Variants in DIDO1 observed in about 807,000 individuals in gnomAD.
DIDO1 encodes death inducer-obliterator 1.
A neutral mutation model predicts 99.4 loss-of-function variants in DIDO1; 16 were observed. The ratio of observed to expected loss-of-function variants is 0.16; its 90% CI spans 0.11 to 0.24. DIDO1 has a LOEUF of 0.24. Ranked by LOEUF, DIDO1 falls within the 10% of genes least tolerant of loss-of-function variation. The pLI is 1.00. For synonymous variants in DIDO1, 1,366 were observed against 1,239.1 expected (o/e 1.10, Z -2.15); for missense variants, 2,996 against 3,014.0 (o/e 0.99, Z 0.14).
At chr20:62,904,945 A>C (rs2064768634) in intron 6 of DIDO1, 1 of 964,714 alleles carries the variant, frequency 1.0e-6, no homozygotes, top group Admixed American at 6.1e-5. Flanking sequence ...GAGACTATTT[A>C]ACCTTTCGGT....
intron 14 of DIDO1, among the ~76,000 whole-genome samples, chr20:62,891,360 C>T (rs1006019893): frequency 6.6e-6 from 1 of 152,200 alleles, no homozygotes; most frequent in Admixed American, 6.5e-5. Flanking sequence ...TTCCTACATG[C>T]ACGACGGCCC....
At chr20:62,895,840 T>C (rs926884493) in intron 8 of DIDO1, among the ~76,000 whole-genome samples, 1 of 152,116 alleles carries the variant, frequency 6.6e-6, no homozygotes, top group Non-Finnish European at 1.5e-5. Context: ...TGATGAGGAA[T>C]ATGAGAAAAT....
intron 4 of DIDO1, among the ~76,000 whole-genome samples, chr20:62,908,220 A>T (rs1421710518): frequency 6.6e-6 from 1 of 152,038 alleles, no homozygotes; most frequent in Non-Finnish European, 1.5e-5. Context: ...GCCTCAAGTG[A>T]TCCTCCCATC....
chr20:62,887,832 C>G, intron 15 of DIDO1: 1 of 985,522 alleles, frequency 1.0e-6, no homozygotes. Context: ...GGGTGAACAT[C>G]TAGGTGGAGA....
At chr20:62,922,591 T>C (rs757377166) in intron 1 of DIDO1, among the ~76,000 whole-genome samples, 1 of 152,190 alleles carries the variant, frequency 6.6e-6, no homozygotes, top group Non-Finnish European at 1.5e-5. Context: ...AGGCCTGCAC[T>C]TTCCTGTCTG....
intron 15 of DIDO1, 79 bp from the exon 16 acceptor site, chr20:62,882,493 T>G (rs1600905081): frequency 1.5e-6 from 2 of 1,349,856 alleles, no homozygotes; most frequent in Middle Eastern, 2.3e-4. Flanking sequence ...CATTAAGGGC[T>G]TTCACGGGGA....
At chr20:62,928,779 AG>A (rs1258650551), upstream of DIDO1, 1 of 152,220 alleles carries the variant, frequency 6.6e-6, no homozygotes, top group African/African-American at 2.4e-5. Context: ...GAAAGCAGGA[AG>A]GGGGCCAAGA....
Position 62,880,924 on chromosome 20 carries a change from C to T in DIDO1, c.5032G>A (p.Gly1678Ser), listed in dbSNP as rs2064190567. The change falls in exon 16 of 16, where the codon GGT becomes AGT. Residue 1678 changes from glycine to serine, a missense_variant. By Grantham distance (56) the Gly-to-Ser change is moderately conservative. Around this residue, in one of 5 missense-constraint regions of DIDO1, gnomAD observed 1,562 missense variants for 1,412.6 expected, o/e 1.11. Coordinates refer to ENST00000395343, the MANE Select transcript of DIDO1 (RefSeq NM_001193369.2). ...GGGCAGGTGAAAGGGTCCCTCTCAC[C>T]GTCGTGCTGCAGCGGGAAGCCGGGC... is the stretch of plus-strand genomic sequence containing the variant. ...LQPGFPLQHD[G>S]ERDPFTCPGF... 1.2e-6 allele frequency: 2 copies of T among 1,609,916 alleles called. No homozygotes were observed. The highest frequency in any genetic ancestry group is 1.7e-6 in the Non-Finnish European group (2 of 1,179,854).
At position 62,891,126 on chromosome 20, in the gene DIDO1, G is replaced by T. The variant is rs772046999; in HGVS notation, c.3375C>A (p.Ala1125=). 5 of 1,614,132 alleles carry T rather than the reference G, an allele frequency of 3.1e-6. No homozygotes were observed. The South Asian group carries it at 5.5e-5, about 18-fold the overall frequency. The part of the protein sequence containing the change: ...KELCLIRFHP[A]TEEEEVAYIS... ...TATAGGCGACCTCCTCTTCCTCTGT[G>T]GCGGGGTGGAAGCGGATCAGACAGA... The change falls in exon 15 of 16, where the codon GCC becomes GCA. Residue 1125 remains alanine (A), a synonymous_variant. Transcript: ENST00000395343.
In DIDO1 at chr20:62,905,753, C is replaced by T. The variant is rs1341972616; in HGVS notation, c.1588+134G>A. ...GCATCCTGGACATGGGCTCTGCTTC[C>T]CGCTGATGGTGCAGCCGGTGTCTGT... On this transcript the variant is annotated intron_variant, in intron 6 of 15. Transcript: ENST00000395343. 5 of 1,607,684 alleles carry T rather than the reference C, an allele frequency of 3.1e-6. No individual in the cohort carries two copies. The South Asian group carries it at 5.5e-5, about 18-fold the overall frequency.
intron 14 of DIDO1, 50 bp from the exon 15 acceptor site, chr20:62,891,205 T>C: frequency 6.2e-7 from 1 of 1,609,648 alleles, no homozygotes; most frequent in Non-Finnish European, 8.5e-7. Flanking sequence ...GGCTCAAGCA[T>C]CACACGCCCA....
Position 62,896,184 on chromosome 20 carries a change from C to T in DIDO1, c.2214+49G>A. 6.4e-7 allele frequency: 1 copy of T among 1,560,616 alleles called. No individual in the cohort carries two copies. The highest frequency in any genetic ancestry group is 8.7e-7 in the Non-Finnish European group (1 of 1,149,232). On this transcript the variant is annotated intron_variant, in intron 8 of 15. Coordinates refer to ENST00000395343, the MANE Select transcript of DIDO1 (RefSeq NM_001193369.2). This position sits in a 1 kb window ranked among gnomAD's most constrained non-coding sequence, Gnocchi z 4.4. ...AAATATTGGTTGATCCCTTTAGCAC[C>T]CAGCGAACAGAACAGGAATACTCCA...
chr20:62,921,158 A>C (rs904247642), intron 1 of DIDO1, among the ~76,000 whole-genome samples: 1 of 152,200 alleles, frequency 6.6e-6, no homozygotes, highest in African/African-American at 2.4e-5. Context: ...GGCCTCCCAA[A>C]GTGCTAGGAT....
At chr20:62,902,279 A>T (rs926898537) in intron 6 of DIDO1, among the ~76,000 whole-genome samples, 2 of 152,228 alleles carry the variant, frequency 1.3e-5, no homozygotes, top group African/African-American at 4.8e-5. Context: ...TAAAAATAAC[A>T]AAAGAATGTC....
chr20:62,908,856 C>G (rs1004043725), intron 4 of DIDO1, among the ~76,000 whole-genome samples: 4 of 152,180 alleles, frequency 2.6e-5, no homozygotes, highest in African/African-American at 9.6e-5. Context: ...GAAGCCTCAA[C>G]TGCACAAAAA....
chr20:62,880,171 G>C lies in DIDO1; in HGVS notation c.5785C>G (p.Pro1929Ala). The change falls in exon 16 of 16, where the codon CCC becomes GCC. Residue 1929 changes from proline to alanine, a missense_variant. Physicochemically the swap from Pro to Ala is conservative, Grantham distance 27 (BLOSUM62 -1). This residue lies in a region of DIDO1 where 1,562 missense variants were observed against 1,412.6 expected (regional missense o/e 1.11). Coordinates refer to ENST00000395343, the MANE Select transcript of DIDO1 (RefSeq NM_001193369.2). ...GCAGTTTCAAACTGACTAGGATGGGGCCCTCTTGGGCCCACGAAATGACCA... is the reference window on the plus strand; with the variant it reads ...GCAGTTTCAAACTGACTAGGATGGGCCCCTCTTGGGCCCACGAAATGACCA... ...PPGHFVGPRG[P>A]HPSQFETARG... The C allele has an allele frequency of 6.2e-7, 1 of 1,612,296 alleles. No individual in the cohort carries two copies. The highest frequency in any genetic ancestry group is 1.1e-5 in the South Asian group (1 of 91,072).
chr20:62,920,622 A>G (rs1026370777), intron 1 of DIDO1, among the ~76,000 whole-genome samples: 2 of 152,230 alleles, frequency 1.3e-5, no homozygotes, highest in Non-Finnish European at 2.9e-5. Flanking sequence ...GTGGTTCTCA[A>G]AGCGTGGTCC....
At chr20:62,883,214 G>A (rs908231642) in intron 15 of DIDO1, among the ~76,000 whole-genome samples, 7 of 151,612 alleles carry the variant, frequency 4.6e-5, no homozygotes, top group South Asian at 4.2e-4. Context: ...GTAAGCCACC[G>A]CACCCGGACC....
In DIDO1 at chr20:62,892,914, C is replaced by G. The variant is rs1032821178; in HGVS notation, c.3150G>C (p.Leu1050Phe). 1.8e-5 allele frequency: 29 copies of G among 1,613,466 alleles called. No homozygotes were observed. The highest frequency in any genetic ancestry group is 2.3e-5 in the Non-Finnish European group (27 of 1,179,846). ...CTTTCCAAATGGTGCTGAGTCGAGACAAAAAGAGGGTCGTGTCTCCCTCTG... is the reference window on the plus strand; with the variant it reads ...CTTTCCAAATGGTGCTGAGTCGAGAGAAAAAGAGGGTCGTGTCTCCCTCTG... Reference protein sequence around the residue: ...SPPEGDTTLFLSRLSTIWKGF... With the variant: ...SPPEGDTTLFFSRLSTIWKGF... Residue 1050 changes from leucine to phenylalanine, a missense_variant, in exon 13 of 16, where the codon TTG becomes TTC. Leu to Phe is a conservative substitution (Grantham distance 22). Around this residue, in one of 5 missense-constraint regions of DIDO1, gnomAD observed 898 missense variants for 972.7 expected, o/e 0.92. Transcript: ENST00000395343.
Sources: allele counts gnomAD v4.1 joint callset (sites outside exome capture counted in the v4.1 genomes callset), GRCh38; gene constraint gnomAD v4.1.1; regional missense constraint gnomAD v4.1.1; non-coding constraint Gnocchi (gnomAD v3.1); transcripts MANE v1.5; gene names NCBI Gene and HGNC (gene_info 2026-07-23, HGNC 2026-07-21).